Variants in LRP8 observed in about 807,000 individuals in gnomAD.
LRP8 encodes low-density lipoprotein receptor-related protein 8.
LRP8 carries 46 observed loss-of-function variants against 111.6 expected under a neutral mutation model. The ratio of observed to expected loss-of-function variants is 0.41; its 90% CI spans 0.33 to 0.53. The LOEUF (loss-of-function observed/expected upper bound fraction) is 0.53, where lower values mean the gene tolerates loss of function less well. Among genes scored for constraint, LRP8 ranks in the 20% least tolerant of loss-of-function variants. LRP8 has a pLI of 0.20. For synonymous variants in LRP8, 464 were observed against 511.2 expected (o/e 0.91, Z 1.24); for missense variants, 959 against 1,297.4 (o/e 0.74, Z 4.01).
At chr1:53,280,752 G>T in intron 3 of LRP8, 37 bp from the exon 4 acceptor site, 2 of 1,604,704 alleles carry the variant, frequency 1.2e-6, no homozygotes. Flanking sequence ...CTTAGCCAAG[G>T]GGGACACAGG....
At chr1:53,327,366 C>T in intron 1 of LRP8, 1 of 278,168 alleles carries the variant, frequency 3.6e-6, no homozygotes. Context: ...CCCTGGCAGG[C>T]AGCCCCCTCT....
At chr1:53,272,167 T>C (rs1057068228) in intron 6 of LRP8, among the ~76,000 whole-genome samples, 2 of 152,078 alleles carry the variant, frequency 1.3e-5, no homozygotes, top group African/African-American at 4.8e-5. Flanking sequence ...ATGGGTTTTT[T>C]AACTCCTCTC....
At chr1:53,251,434 G>T (rs1463473036) in intron 16 of LRP8, among the ~76,000 whole-genome samples, 1 of 151,966 alleles carries the variant, frequency 6.6e-6, no homozygotes, top group Non-Finnish European at 1.5e-5. Flanking sequence ...TCTCTAGAAG[G>T]AGACACAGAG....
intron 13 of LRP8, 58 bp from the exon 14 acceptor site, chr1:53,258,529 C>T (rs973123676): frequency 6.5e-7 from 1 of 1,537,576 alleles, no homozygotes; most frequent in Non-Finnish European, 8.9e-7. Context: ...GTCTTCCTGC[C>T]TCCTGAGGAT....
intron 4 of LRP8, 90 bp from the exon 5 acceptor site, chr1:53,277,168 C>T: frequency 1.5e-6 from 2 of 1,344,886 alleles, no homozygotes. Flanking sequence ...CTCCGACCCT[C>T]ACCCGGGGGC....
intron 16 of LRP8, among the ~76,000 whole-genome samples, chr1:53,254,114 G>C (rs1246374064): frequency 1.3e-5 from 2 of 152,066 alleles, no homozygotes; most frequent in African/African-American, 4.8e-5. Context: ...GCCAAGTAAG[G>C]GAGATAAAGC....
Position 53,276,873 on chromosome 1 carries a change from G to A in LRP8, c.702C>T (p.Cys234=). The stretch of plus-strand genomic sequence containing the variant: ...CGGCTGCCTCGTCCGAGCGGTCCTC[G>A]CAGTCAAACTGGCGGTCGCAGACCC... ...ERWVCDRQFD[C]EDRSDEAAEL... is the part of the protein sequence containing the mutation. The change falls in exon 5 of 19, where the codon TGC becomes TGT. Residue 234 remains cysteine (C), a synonymous_variant. Transcript: ENST00000306052. The A allele has an allele frequency of 2.1e-6, 3 of 1,400,590 alleles. No homozygotes were observed. Among genetic ancestry groups the A allele is most frequent in the Non-Finnish European group, 2.8e-6 (3 of 1,080,238 alleles). The allele number at this position is 1,400,590 out of a possible 1,614,324, so 86.8% of individuals were successfully genotyped here.
In LRP8 at chr1:53,275,719, A is replaced by G. The variant is rs147076261; in HGVS notation, c.918T>C (p.Cys306=). ...LGTCRGDEFQ[C]GDGTCVLAIK... ...TTGCAAGGACACATGTCCCATCCCC[A>G]CACTGGAACTCGTCCCCACGGCAGG... The change falls in exon 6 of 19, where the codon TGT becomes TGC. Residue 306 remains cysteine, a synonymous_variant. Coordinates refer to ENST00000306052, the MANE Select transcript of LRP8 (RefSeq NM_004631.5). The surrounding 1 kb of genome is among the most constrained non-coding windows in gnomAD (Gnocchi z 4.4). 4.6e-5 allele frequency: 74 copies of G among 1,613,966 alleles called. No individual in the cohort carries two copies. The African/African-American group carries it at 8.9e-4, about 19-fold the overall frequency.
At chr1:53,308,127 G>A (rs1407035612) in intron 2 of LRP8, among the ~76,000 whole-genome samples, 2 of 152,232 alleles carry the variant, frequency 1.3e-5, no homozygotes, top group African/African-American at 2.4e-5. Context: ...GCACTGCAGC[G>A]AGGCTTTCCT....
intron 9 of LRP8, 95 bp from the exon 10 acceptor site, chr1:53,264,491 C>A (rs1646476736): frequency 1.0e-6 from 1 of 955,334 alleles, no homozygotes; most frequent in Non-Finnish European, 1.6e-6. Flanking sequence ...TCCATCTGGG[C>A]CATGGCAATA....
chr1:53,291,504 C>T (rs968349015), intron 2 of LRP8, among the ~76,000 whole-genome samples: 1 of 152,138 alleles, frequency 6.6e-6, no homozygotes, highest in Admixed American at 6.6e-5. Context: ...ACCATCATAC[C>T]TTGCCCAAGC....
intron 2 of LRP8, among the ~76,000 whole-genome samples, chr1:53,320,882 T>A (rs998181921): frequency 5.3e-5 from 8 of 151,896 alleles, no homozygotes; most frequent in African/African-American, 1.9e-4. Flanking sequence ...TTAAGAAGAG[T>A]CTGGGCTCCA....
intron 2 of LRP8, among the ~76,000 whole-genome samples, chr1:53,308,985 G>T (rs1156961528): frequency 1.3e-5 from 2 of 152,122 alleles, no homozygotes; most frequent in Non-Finnish European, 2.9e-5. Flanking sequence ...GCTGTTAAAG[G>T]ATCCATGGGC....
intron 2 of LRP8, among the ~76,000 whole-genome samples, chr1:53,320,733 C>T (rs539390938): frequency 1.3e-5 from 2 of 152,340 alleles, no homozygotes; most frequent in Admixed American, 1.3e-4. Context: ...GGTCCCTCCC[C>T]AGTCCCACTC....
At chr1:53,271,402 G>A (rs1646757512) in intron 6 of LRP8, 56 bp from the exon 7 acceptor site, 3 of 1,608,402 alleles carry the variant, frequency 1.9e-6, no homozygotes, top group Admixed American at 1.7e-5. Flanking sequence ...GTGGGGGCAG[G>A]GCAGGGGTAG....
At position 53,294,220 on chromosome 1, in the gene LRP8, GATAC is replaced by G. The variant is rs999872495; in HGVS notation, c.245-4535_245-4532del. ...TCTGTGAGTCCCTCAGCCCAGGAGT[GATAC>G]ATAGTCAACCAGGGTCTGCGACATC... is the stretch of plus-strand genomic sequence containing the variant. On this transcript the variant is annotated intron_variant, in intron 2 of 18. Transcript: ENST00000306052. The surrounding 1 kb of genome is among the most constrained non-coding windows in gnomAD (Gnocchi z 4.1). Among the ~76,000 whole-genome samples the G allele has an allele frequency of 6.6e-6, 1 of 152,130 alleles. No individual in the cohort carries two copies. Among genetic ancestry groups the G allele is most frequent in the Admixed American group, 6.5e-5 (1 of 15,282 alleles).
intron 2 of LRP8, among the ~76,000 whole-genome samples, chr1:53,306,479 G>A (rs1478094404): frequency 6.6e-6 from 1 of 152,232 alleles, no homozygotes; most frequent in African/African-American, 2.4e-5. Context: ...CAGGGGCCAG[G>A]AGGCCTGGGT....
At chr1:53,313,843 C>T (rs1038477796) in intron 2 of LRP8, among the ~76,000 whole-genome samples, 7 of 152,112 alleles carry the variant, frequency 4.6e-5, no homozygotes, top group African/African-American at 7.2e-5. Flanking sequence ...AGAAGCTGAG[C>T]GAGGAAAGGG....
In LRP8 at chr1:53,255,199, A is replaced by C; in HGVS notation, c.2435-14T>G. 6.2e-7 allele frequency: 1 copy of C among 1,611,166 alleles called. No homozygotes were observed. Among genetic ancestry groups the C allele is most frequent in the East Asian group, 2.2e-5 (1 of 44,870 alleles). ...CTTCATTTGCATCTGCAAAACACAA[A>C]CATTTGCAGAATGATGCTCTATCAC... On this transcript the variant is annotated splice_polypyrimidine_tract_variant and intron_variant, in intron 15 of 18. Transcript: ENST00000306052.
Sources: gnomAD v4.1 joint callset for allele counts (sites outside exome capture counted in the v4.1 genomes callset) on GRCh38, gnomAD v4.1.1 for gene constraint, Gnocchi (gnomAD v3.1) non-coding constraint, MANE v1.5 for transcripts, NCBI Gene and HGNC (gene_info 2026-07-23, HGNC 2026-07-21) for gene names.